The following PHACTR1 variants were observed in gnomAD, a reference collection of about 807,000 sequenced individuals.
The protein encoded by PHACTR1 is RPEL repeat containing 1.
PHACTR1 carries 16 observed loss-of-function variants against 69.2 expected under a neutral mutation model. That is an observed-to-expected ratio of 0.23 (90% CI 0.16 to 0.35). The LOEUF is 0.35. PHACTR1 is among the 10% of genes least tolerant of loss of function. The pLI, the probability that PHACTR1 is intolerant of heterozygous loss-of-function variation, is 1.00. For missense variants in PHACTR1, 510 were observed against 734.7 expected (o/e 0.69, Z 3.54); for synonymous variants, 312 against 284.5 (o/e 1.10, Z -0.97).
intron 5 of PHACTR1, 70 bp from the exon 6 acceptor site, chr6:13,160,134 C>G: frequency 7.4e-7 from 1 of 1,357,720 alleles, no homozygotes; most frequent in South Asian, 1.2e-5. Flanking sequence ...TATGTGTTAA[C>G]ATAGGATCCT....
intron 5 of PHACTR1, among the ~76,000 whole-genome samples, chr6:13,111,366 T>C (rs539016107): frequency 6.6e-6 from 1 of 152,314 alleles, no homozygotes; most frequent in East Asian, 1.9e-4. Context: ...TTATTATTGC[T>C]ATGCTTGAAT....
At chr6:12,980,952 G>A (rs1184818316) in intron 4 of PHACTR1, among the ~76,000 whole-genome samples, 5 of 152,186 alleles carry the variant, frequency 3.3e-5, no homozygotes, top group African/African-American at 1.2e-4. Flanking sequence ...AGGTGTGTGC[G>A]GGTTATACAG....
chr6:12,913,679 A>G (rs1786654795), intron 4 of PHACTR1, among the ~76,000 whole-genome samples: 1 of 152,214 alleles, frequency 6.6e-6, no homozygotes, highest in Non-Finnish European at 1.5e-5. Context: ...CAGGGCCTCA[A>G]ATCCTGAGAG....
chr6:12,911,910 G>A (rs979479648), intron 4 of PHACTR1, among the ~76,000 whole-genome samples: 1 of 152,216 alleles, frequency 6.6e-6, no homozygotes, highest in Non-Finnish European at 1.5e-5. Context: ...CAATCAAAGA[G>A]GAAGGTGAAA....
At chr6:12,799,279 A>G (rs970807604) in intron 4 of PHACTR1, among the ~76,000 whole-genome samples, 6 of 152,178 alleles carry the variant, frequency 3.9e-5, no homozygotes, top group Non-Finnish European at 7.4e-5. Context: ...GCGAGGTCAT[A>G]CATCAAGCTG....
chr6:13,035,287 A>C lies in PHACTR1; in HGVS notation c.251-18078A>C, dbSNP rs73366291. ...CACATAAATTAAATCCTAACAGATA[A>C]AAATGAATTTGGCATCCAATTAAGC... On this transcript the variant is annotated intron_variant, in intron 4 of 14. Coordinates refer to ENST00000332995, the MANE Select transcript of PHACTR1 (RefSeq NM_030948.6). 8.8e-3 allele frequency among the ~76,000 whole-genome samples: 1,342 copies of C among 152,310 alleles called. 14 individuals are homozygous for C. Among genetic ancestry groups the C allele is most frequent in the African/African-American group, 0.031 (1,275 of 41,564 alleles).
At chr6:12,868,115 G>A (rs1582182788) in intron 4 of PHACTR1, among the ~76,000 whole-genome samples, 1 of 152,134 alleles carries the variant, frequency 6.6e-6, no homozygotes, top group East Asian at 1.9e-4. Context: ...AAATTAGCTA[G>A]GCGTGGTGGC....
intron 4 of PHACTR1, among the ~76,000 whole-genome samples, chr6:12,908,392 G>A (rs1376173495): frequency 2.0e-5 from 3 of 152,124 alleles, no homozygotes; most frequent in African/African-American, 7.2e-5. Context: ...TCAGTCCCAG[G>A]GATAAATAGG....
chr6:12,737,176 T>C (rs1269428293), intron 3 of PHACTR1, among the ~76,000 whole-genome samples: 1 of 152,188 alleles, frequency 6.6e-6, no homozygotes, highest in Non-Finnish European at 1.5e-5. Context: ...CTAGGCTATA[T>C]GGTACAGCCT....
chr6:13,053,658 T>C, intron 5 of PHACTR1, 129 bp downstream of exon 5: 1 of 1,152,922 alleles, frequency 8.7e-7, no homozygotes, highest in Non-Finnish European at 1.2e-6. Flanking sequence ...GGAATGGCTC[T>C]TGTCTTTAAA....
intron 10 of PHACTR1, among the ~76,000 whole-genome samples, chr6:13,263,513 A>C (rs1776212027): frequency 1.3e-5 from 2 of 152,186 alleles, no homozygotes; most frequent in South Asian, 4.1e-4. Flanking sequence ...AGGCATGGAA[A>C]CCATTTTGCT....
chr6:13,094,812 A>G (rs1813896180), intron 5 of PHACTR1, among the ~76,000 whole-genome samples: 1 of 152,192 alleles, frequency 6.6e-6, no homozygotes, highest in African/African-American at 2.4e-5. Context: ...AGTTTGGAGA[A>G]AAAAATATGC....
chr6:12,808,766 TCTTCTCCTTCTC>T lies in PHACTR1; in HGVS notation c.250+58991_250+59002del, dbSNP rs3036464. 7.7e-3 allele frequency among the ~76,000 whole-genome samples: 1,166 copies of T among 150,820 alleles called. 14 individuals are homozygous for T. Among genetic ancestry groups the T allele is most frequent in the African/African-American group, 0.027 (1,102 of 40,860 alleles). ...AGTTTCTTCCTCTTCCTCTTCTTCT[TCTTCTCCTTCTC>T]CTTCTCCTTCTCCTCCTTCTTCTCC... On this transcript the variant is annotated intron_variant, in intron 4 of 14. Coordinates refer to ENST00000332995, the MANE Select transcript of PHACTR1 (RefSeq NM_030948.6).
chr6:13,089,460 A>T (rs777009782), intron 5 of PHACTR1, among the ~76,000 whole-genome samples: 6 of 152,126 alleles, frequency 3.9e-5, no homozygotes, highest in Non-Finnish European at 8.8e-5. Flanking sequence ...CTCAGTGTGC[A>T]GCCAGGAATA....
chr6:12,974,689 TGGATACA>T (rs2127585625), intron 4 of PHACTR1, among the ~76,000 whole-genome samples: 1 of 152,308 alleles, frequency 6.6e-6, no homozygotes, highest in East Asian at 1.9e-4. Context: ...GAACATTTGG[TGGATACA>T]GGAAGTATGT....
chr6:12,799,852 A>C (rs972998785), intron 4 of PHACTR1, among the ~76,000 whole-genome samples: 1 of 152,230 alleles, frequency 6.6e-6, no homozygotes, highest in African/African-American at 2.4e-5. Context: ...ACATAGAAAA[A>C]ATGTGGTGAA....
chr6:12,858,918 G>C (rs1396560358), intron 4 of PHACTR1, among the ~76,000 whole-genome samples: 1 of 152,152 alleles, frequency 6.6e-6, no homozygotes, highest in Admixed American at 6.5e-5. Flanking sequence ...AAGATGTTCA[G>C]TGTTCTTCTT....
chr6:13,039,598 G>A (rs1244700987), intron 4 of PHACTR1, among the ~76,000 whole-genome samples: 2 of 152,178 alleles, frequency 1.3e-5, no homozygotes, highest in African/African-American at 4.8e-5. Flanking sequence ...TATTTGTGGG[G>A]ATTGCAGCTC....
rs141031236 is a variant in PHACTR1, at chr6:13,023,289, C to G, written c.251-30076C>G. 5.5e-3 allele frequency among the ~76,000 whole-genome samples: 831 copies of G among 152,280 alleles called. 18 individuals carry two copies. Among genetic ancestry groups the G allele is most frequent in the Non-Finnish European group, 7.7e-3 (521 of 68,010 alleles). On this transcript the variant is annotated intron_variant, in intron 4 of 14. Coordinates refer to ENST00000332995, the MANE Select transcript of PHACTR1 (RefSeq NM_030948.6). ...AGTATCTTTAGTGTTCCCACTCCCA[C>G]CCTGACCTTTATGTGGGCTTCAGGC...
Sources: gnomAD v4.1 joint callset for allele counts (sites outside exome capture counted in the v4.1 genomes callset) on GRCh38, gnomAD v4.1.1 for gene constraint, MANE v1.5 for transcripts, NCBI Gene and HGNC (gene_info 2026-07-23, HGNC 2026-07-21) for gene names.